The following NAXD variants were observed in gnomAD, a reference collection of about 807,000 sequenced individuals.
NAXD encodes NAD(P)HX dehydratase, also known as ATP-dependent (S)-NAD(P)H-hydrate dehydratase.
NAXD carries 22 observed loss-of-function variants against 35.8 expected under a neutral mutation model. That is an observed-to-expected ratio of 0.62 (90% confidence interval 0.44 to 0.88). NAXD has a LOEUF of 0.88. Ranked by LOEUF, NAXD falls within the 40% of genes least tolerant of loss-of-function variation. The probability of loss-of-function intolerance (pLI) is 0.00; values close to 1 mark genes in which losing one functional copy is unlikely to be tolerated. For synonymous variants in NAXD, 189 were observed against 177.6 expected (o/e 1.06, Z -0.51); for missense variants, 428 against 437.7 (o/e 0.98, Z 0.20).
chr13:110,627,520 A>C lies in NAXD; in HGVS notation c.414A>C (p.Arg138Ser). 1 of 1,613,852 alleles carries C rather than the reference A, an allele frequency of 6.2e-7. No individual in the cohort carries two copies. Among genetic ancestry groups the C allele is most frequent in the Non-Finnish European group, 8.5e-7 (1 of 1,179,794 alleles). Residue 138 changes from arginine to serine, a missense_variant, in exon 5 of 10, where the codon AGA becomes AGC. This residue lies in a region of NAXD where 208 missense variants were observed against 193.0 expected (regional missense o/e 1.08). Coordinates refer to ENST00000680254, the MANE Select transcript of NAXD (RefSeq NM_001242882.2). ...HALVVGPGLG[R>S]DDALLRNVQG... ...TTGTCGTAGGACCTGGCTTGGGTAG[A>C]GATGATGCGCTTCTCAGAAATGTCC...
rs1886958656 is a variant in NAXD, at chr13:110,637,212, C to T, written c.802C>T (p.His268Tyr). Reference sequence around the variant, plus strand: ...GTCGGGCTCCCTGGGCGTCCTGGTACACTGGGCGCTCCTTGCTGGACCACA... The same window carrying T: ...GTCGGGCTCCCTGGGCGTCCTGGTATACTGGGCGCTCCTTGCTGGACCACA... Reference protein sequence around the residue: ...LLSGSLGVLVHWALLAGPQKT... With the variant: ...LLSGSLGVLVYWALLAGPQKT... Residue 268 changes from histidine to tyrosine, a missense_variant, in exon 9 of 10, where the codon CAC (histidine) becomes TAC (tyrosine). By Grantham distance (83) the His-to-Tyr change is moderately conservative (BLOSUM62 2). Coordinates refer to ENST00000680254, the MANE Select transcript of NAXD (RefSeq NM_001242882.2). The T allele has an allele frequency of 6.2e-7, 1 of 1,613,882 alleles. No homozygotes were observed. The highest frequency in any genetic ancestry group is 8.5e-7 in the Non-Finnish European group (1 of 1,179,916).
At chr13:110,634,249 C>T (rs1420528350) in intron 5 of NAXD, among the ~76,000 whole-genome samples, 1 of 152,144 alleles carries the variant, frequency 6.6e-6, no homozygotes, top group Admixed American at 6.5e-5. Context: ...TGTAGCCGTA[C>T]CACAGACTGG....
Position 110,639,684 on chromosome 13 carries a change from T to C in NAXD, c.*1156T>C, listed in dbSNP as rs141869060. 5 of 152,324 alleles carry C rather than the reference T, an allele frequency of 3.3e-5. No homozygotes were observed. The highest frequency in any genetic ancestry group is 7.3e-5 in the Non-Finnish European group (5 of 68,030). 9.4% of individuals were successfully genotyped at this position (152,324 alleles called of 1,614,324 possible). ...ACGCGTGCATTAGGGTGTTCTCTTA[T>C]ACTTTCAGTAGCATCTTTCCACAGC... On this transcript the variant is annotated 3_prime_UTR_variant, in exon 10 of 10. Transcript: ENST00000680254.
intron 8 of NAXD, among the ~76,000 whole-genome samples, chr13:110,636,450 A>T (rs1225092174): frequency 6.6e-6 from 1 of 151,950 alleles, no homozygotes; most frequent in South Asian, 2.1e-4. Flanking sequence ...ATGCATGGTC[A>T]TGCTCACAGC....
intron 1 of NAXD, among the ~76,000 whole-genome samples, chr13:110,622,009 G>A (rs1192519029): frequency 1.3e-5 from 2 of 151,936 alleles, no homozygotes; most frequent in Non-Finnish European, 2.9e-5. Context: ...CAGCCTGGGT[G>A]ACAGAGTCAG....
rs532567070 is a variant in NAXD, at chr13:110,638,341, C to T, written c.840-37C>T. Reference sequence around the variant, plus strand: ...GCTGCGGCCCCCGGACCACGACGCCCACTTCCCCACACCTCCTGCTGTCCC... The same window carrying T: ...GCTGCGGCCCCCGGACCACGACGCCTACTTCCCCACACCTCCTGCTGTCCC... On this transcript the variant is annotated intron_variant, in intron 9 of 9. Transcript: ENST00000680254. The surrounding 1 kb of genome is among the most constrained non-coding windows in gnomAD (Gnocchi z 5.4). The T allele has an allele frequency of 2.5e-6, 4 of 1,613,834 alleles. No homozygotes were observed. Among genetic ancestry groups the T allele is most frequent in the East Asian group, 2.2e-5 (1 of 44,868 alleles).
chr13:110,615,673 G>C, intron 1 of NAXD, 26 bp downstream of exon 1: 1 of 1,523,802 alleles, frequency 6.6e-7, no homozygotes, highest in Non-Finnish European at 8.8e-7. Flanking sequence ...TTTGGCCCGG[G>C]GATGGTCACA....
intron 4 of NAXD, among the ~76,000 whole-genome samples, chr13:110,626,044 A>G (rs1425466760): frequency 2.6e-5 from 4 of 152,096 alleles, no homozygotes; most frequent in Admixed American, 2.0e-4. Context: ...GCGGAGCTCC[A>G]GGTGCGGTGC....
rs984456757 is a variant in NAXD at position 110,628,376 on chromosome 13, A to G, written c.441+829A>G. On this transcript the variant is annotated intron_variant, in intron 5 of 9. Transcript: ENST00000680254. This position sits in a 1 kb window ranked among gnomAD's most constrained non-coding sequence, Gnocchi z 4.1. ...CACATGTGCAAGGCGTGGTGACTGCATGGGGATCAGAGGCCGGGCATTAGT... is the reference window on the plus strand; with the variant it reads ...CACATGTGCAAGGCGTGGTGACTGCGTGGGGATCAGAGGCCGGGCATTAGT... Among the ~76,000 whole-genome samples the G allele has an allele frequency of 1.3e-5, 2 of 152,192 alleles. No homozygotes were observed. The highest frequency in any genetic ancestry group is 2.9e-5 in the Non-Finnish European group (2 of 68,042).
Position 110,624,281 on chromosome 13 carries a change from T to C in NAXD, c.243+2T>C. The stretch of plus-strand genomic sequence containing the variant: ...GCAGCAATCTCAGCTCTCAAAGTGG[T>C]ATGTTTACTTAAAATTTCTTTATTG... On this transcript the variant is annotated splice_donor_variant, in intron 3 of 9. Coordinates refer to ENST00000680254, the MANE Select transcript of NAXD (RefSeq NM_001242882.2). LOFTEE classifies it high-confidence loss of function. 6.3e-7 allele frequency: 1 copy of C among 1,586,662 alleles called. No homozygotes were observed. The highest frequency in any genetic ancestry group is 8.6e-7 in the Non-Finnish European group (1 of 1,156,468).
chr13:110,615,796 C>T (rs1886027723), intron 1 of NAXD, 149 bp downstream of exon 1: 1 of 1,316,038 alleles, frequency 7.6e-7, no homozygotes, highest in Non-Finnish European at 9.7e-7. Flanking sequence ...CTGACCGCCT[C>T]TGCTGGCTCG....
chr13:110,615,715 C>T (rs1348810453), intron 1 of NAXD, 68 bp downstream of exon 1: 5 of 1,513,486 alleles, frequency 3.3e-6, no homozygotes, highest in Non-Finnish European at 4.4e-6. Context: ...GTCGCCGGCG[C>T]GGTCGTTGTC....
chr13:110,617,263 C>T (rs1025796721), intron 1 of NAXD, among the ~76,000 whole-genome samples: 4 of 152,126 alleles, frequency 2.6e-5, no homozygotes, highest in Admixed American at 2.0e-4. Context: ...ACTAAAAGCA[C>T]TTTTAGCACA....
chr13:110,617,504 G>A (rs1403322661), intron 1 of NAXD, among the ~76,000 whole-genome samples: 1 of 152,210 alleles, frequency 6.6e-6, no homozygotes, highest in Non-Finnish European at 1.5e-5. Context: ...TAAGCCAGCT[G>A]GAACTTGCTT....
intron 1 of NAXD, chr13:110,615,996 C>G (rs932887301): frequency 7.5e-6 from 3 of 398,902 alleles, no homozygotes; most frequent in Non-Finnish European, 1.3e-5. Flanking sequence ...GGAGCCAGTG[C>G]GCGTCCCAGG....
At chr13:110,635,869 G>T (rs1035837474) in intron 8 of NAXD, among the ~76,000 whole-genome samples, 1 of 152,264 alleles carries the variant, frequency 6.6e-6, no homozygotes, top group Non-Finnish European at 1.5e-5. Context: ...GCAGTCTGGC[G>T]GGAGGGTGCC....
chr13:110,630,688 A>C (rs1456848240), intron 5 of NAXD, among the ~76,000 whole-genome samples: 1 of 152,098 alleles, frequency 6.6e-6, no homozygotes, highest in Non-Finnish European at 1.5e-5. Context: ...TGTCGAGCTG[A>C]TGCTGGTGTG....
chr13:110,635,525 G>A lies in NAXD; in HGVS notation c.655G>A (p.Ala219Thr). The A allele has an allele frequency of 6.2e-7, 1 of 1,614,176 alleles. No homozygotes were observed. Among genetic ancestry groups the A allele is most frequent in the Non-Finnish European group, 8.5e-7 (1 of 1,180,024 alleles). Residue 219 changes from alanine (A) to threonine (T), a missense_variant, in exon 8 of 10, where the codon GCC becomes ACC. Coordinates refer to ENST00000680254, the MANE Select transcript of NAXD (RefSeq NM_001242882.2). ...TGGATCTGTGCTAAGACTCAGCCAAGCCCTGGGCAACGTGACGGTGGTCCA... is the reference window on the plus strand; with the variant it reads ...TGGATCTGTGCTAAGACTCAGCCAAACCCTGGGCAACGTGACGGTGGTCCA... ...SHGSVLRLSQ[A>T]LGNVTVVQKG...
At chr13:110,632,430 TC>T (rs2139647340) in intron 5 of NAXD, among the ~76,000 whole-genome samples, 1 of 152,296 alleles carries the variant, frequency 6.6e-6, no homozygotes, top group African/African-American at 2.4e-5. Context: ...CAATGCTGGC[TC>T]GGGCAGCCTG....
Sources: allele counts gnomAD v4.1 joint callset (sites outside exome capture counted in the v4.1 genomes callset), GRCh38; gene constraint gnomAD v4.1.1; regional missense constraint gnomAD v4.1.1; non-coding constraint Gnocchi (gnomAD v3.1); transcripts MANE v1.5; gene names NCBI Gene and HGNC (gene_info 2026-07-23, HGNC 2026-07-21).